The following UCHL5 variants were observed in gnomAD, a reference collection of about 807,000 sequenced individuals.
The protein encoded by UCHL5 is ubiquitin C-terminal hydrolase L5.
In UCHL5, 34 loss-of-function variants were observed where a neutral mutation model predicts 53.8. The observed-to-expected ratio is 0.63, with a 90% CI of 0.48 to 0.84. UCHL5 has a LOEUF of 0.84. Among genes scored for constraint, UCHL5 ranks in the 40% least tolerant of loss-of-function variants. UCHL5 has a pLI of 0.00. For missense variants in UCHL5, 290 were observed against 385.6 expected, an observed-to-expected ratio of 0.75 and a Z score of 2.08; for synonymous variants, 111 against 126.3, an observed-to-expected ratio of 0.88 and a Z score of 0.81.
chr1:193,032,904 C>G (rs961444713), intron 3 of UCHL5, among the ~76,000 whole-genome samples: 6 of 152,056 alleles, frequency 3.9e-5, no homozygotes, highest in African/African-American at 1.4e-4. Context: ...TGTGGAGAAA[C>G]AGGAAAGCTT....
chr1:193,040,405 C>G (rs1665149021), intron 3 of UCHL5, among the ~76,000 whole-genome samples: 1 of 152,168 alleles, frequency 6.6e-6, no homozygotes, highest in South Asian at 2.1e-4. Flanking sequence ...TACTCAACAT[C>G]ATTAATCATC....
chr1:193,019,469 TTGCA>T (rs1386287725), intron 10 of UCHL5, among the ~76,000 whole-genome samples: 1 of 151,832 alleles, frequency 6.6e-6, no homozygotes, highest in East Asian at 1.9e-4. Context: ...ATAATAGTTA[TTGCA>T]TGTATATAAG....
At chr1:193,018,562 C>T in intron 10 of UCHL5, 2 of 1,184,084 alleles carry the variant, frequency 1.7e-6, no homozygotes, top group African/African-American at 3.2e-5. Context: ...TCTCACATAA[C>T]AAAAACATTT....
intron 3 of UCHL5, among the ~76,000 whole-genome samples, chr1:193,031,299 A>C (rs1376610426): frequency 1.3e-5 from 2 of 152,172 alleles, no homozygotes; most frequent in African/African-American, 4.8e-5. Context: ...TTTCAAAATC[A>C]AGACACCTTA....
chr1:193,059,195 A>C lies in UCHL5; in HGVS notation c.66T>G (p.Ile22Met), dbSNP rs1671972167. ...CCCCTTGGTTCTCACCGAATCCTTT[A>C]ATGAGCTCGGTGAAGACCCCGGGGT... is the stretch of plus-strand genomic sequence containing the variant. ...ESDPGVFTEL[I>M]KGFGCRGAQV... The change falls in exon 1 of 11, where the codon ATT becomes ATG. Residue 22 changes from isoleucine (I) to methionine (M), a missense_variant. By Grantham distance (10) the Ile-to-Met change is conservative. Coordinates refer to ENST00000367454, the MANE Select transcript of UCHL5 (RefSeq NM_001199261.3). This position sits in a 1 kb window ranked among gnomAD's most constrained non-coding sequence, Gnocchi z 4.9. 1.2e-6 allele frequency: 2 copies of C among 1,613,048 alleles called. No homozygotes were observed. The highest frequency in any genetic ancestry group is 8.5e-7 in the Non-Finnish European group (1 of 1,179,658).
At chr1:193,053,402 C>T (rs1377569290) in intron 1 of UCHL5, among the ~76,000 whole-genome samples, 2 of 152,152 alleles carry the variant, frequency 1.3e-5, no homozygotes, top group African/African-American at 4.8e-5. Flanking sequence ...TTTCAAGTAG[C>T]GACACTGCTT....
At position 193,015,986 on chromosome 1, in the gene UCHL5, G is replaced by A. The variant is rs1023187968; in HGVS notation, c.*365C>T. ...ATGATGAGAAGAAATAAGACAACCA[G>A]TTTAATCAAGATCTGACAATTGCAA... On this transcript the variant is annotated 3_prime_UTR_variant, in exon 11 of 11. Coordinates refer to ENST00000367454, the MANE Select transcript of UCHL5 (RefSeq NM_001199261.3). The A allele has an allele frequency of 5.3e-6, 1 of 187,798 alleles. No homozygotes were observed. The highest frequency in any genetic ancestry group is 1.5e-4 in the South Asian group (1 of 6,804). 11.6% of individuals were successfully genotyped at this position (187,798 alleles called of 1,614,324 possible).
At chr1:193,054,881 G>A (rs1250229812) in intron 1 of UCHL5, among the ~76,000 whole-genome samples, 2 of 152,176 alleles carry the variant, frequency 1.3e-5, no homozygotes, top group Non-Finnish European at 2.9e-5. Context: ...TGCATGACAA[G>A]GTGGAGTCTG....
intron 1 of UCHL5, among the ~76,000 whole-genome samples, chr1:193,054,322 G>A (rs1166214635): frequency 6.6e-6 from 1 of 152,198 alleles, no homozygotes; most frequent in Non-Finnish European, 1.5e-5. Context: ...TGTTCCAACA[G>A]ACGGTTTTGA....
chr1:193,037,363 T>C (rs577499421), intron 3 of UCHL5, among the ~76,000 whole-genome samples: 1 of 152,006 alleles, frequency 6.6e-6, no homozygotes, highest in South Asian at 2.1e-4. Flanking sequence ...TGAACAGCTA[T>C]ATACAAAAAA....
intron 7 of UCHL5, among the ~76,000 whole-genome samples, chr1:193,027,046 T>TA (rs1271377157): frequency 6.6e-6 from 1 of 152,122 alleles, no homozygotes; most frequent in Non-Finnish European, 1.5e-5. Context: ...TGACAAAAAT[T>TA]ATAGAATTAG....
chr1:193,018,822 T>G, intron 10 of UCHL5: 1 of 1,564,490 alleles, frequency 6.4e-7, no homozygotes, highest in Non-Finnish European at 8.7e-7. Flanking sequence ...CTATTTTCCC[T>G]GAAAACAAAA....
chr1:193,018,489 T>C lies in UCHL5; in HGVS notation c.943-2094A>G, dbSNP rs1022520362. 33 of 1,033,626 alleles carry C rather than the reference T, an allele frequency of 3.2e-5. No homozygotes were observed. In the Middle Eastern group the frequency reaches 3.5e-3, roughly 111 times the overall value. 64.0% of individuals were successfully genotyped at this position (1,033,626 alleles called of 1,614,324 possible). ...AAGAAGTTTTATAACTATATATTTT[T>C]GGATTACCTCCTAGGCAGTTTTTAA... On this transcript the variant is annotated intron_variant, in intron 10 of 10. Coordinates refer to ENST00000367454, the MANE Select transcript of UCHL5 (RefSeq NM_001199261.3).
chr1:193,048,424 A>C (rs532826105), intron 3 of UCHL5, among the ~76,000 whole-genome samples: 6 of 152,228 alleles, frequency 3.9e-5, no homozygotes, highest in Non-Finnish European at 8.8e-5. Flanking sequence ...GACATTCATA[A>C]AACGGTAAAT....
intron 3 of UCHL5, among the ~76,000 whole-genome samples, chr1:193,033,843 G>C (rs1662414490): frequency 6.6e-6 from 1 of 152,132 alleles, no homozygotes; most frequent in Admixed American, 6.6e-5. Context: ...AAGCTTGGTA[G>C]GAACTAGAGA....
At chr1:193,047,060 A>G (rs758956548) in intron 3 of UCHL5, among the ~76,000 whole-genome samples, 7 of 152,144 alleles carry the variant, frequency 4.6e-5, no homozygotes, top group Non-Finnish European at 1.0e-4. Context: ...AAATGAAGAC[A>G]ACAACCTCAT....
In UCHL5 at chr1:193,022,954, T is replaced by C; in HGVS notation, c.815A>G (p.Glu272Gly). ...GTATCTTTTTAATTTCTGTACTTCT[T>C]CTTCAATAAGCATCTGATTTTTGGC... The part of the protein sequence containing the change: ...EVAKNQMLIE[E>G]EVQKLKRYKI... Residue 272 changes from glutamate (E) to glycine (G), a missense_variant, in exon 9 of 11, where the codon GAA becomes GGA. By Grantham distance (98) the Glu-to-Gly change is moderately conservative. Transcript: ENST00000367454. The C allele has an allele frequency of 6.2e-7, 1 of 1,612,484 alleles. No individual in the cohort carries two copies. Among genetic ancestry groups the C allele is most frequent in the Non-Finnish European group, 8.5e-7 (1 of 1,178,952 alleles).
intron 1 of UCHL5, among the ~76,000 whole-genome samples, chr1:193,052,147 A>G (rs146565217): frequency 6.6e-6 from 1 of 151,914 alleles, no homozygotes; most frequent in East Asian, 1.9e-4. Flanking sequence ...GCCTTATATT[A>G]TTATTATTTT....
intron 3 of UCHL5, among the ~76,000 whole-genome samples, chr1:193,030,395 T>A (rs1660934512): frequency 1.3e-5 from 2 of 152,234 alleles, no homozygotes; most frequent in Admixed American, 1.3e-4. Flanking sequence ...AAGAGGTAAG[T>A]GCCCAAGGGC....
Sources: gnomAD v4.1 joint callset for allele counts (sites outside exome capture counted in the v4.1 genomes callset) on GRCh38, gnomAD v4.1.1 for gene constraint, Gnocchi (gnomAD v3.1) non-coding constraint, MANE v1.5 for transcripts, NCBI Gene and HGNC (gene_info 2026-07-23, HGNC 2026-07-21) for gene names.